Variants in MAGEA9 observed in about 807,000 individuals in gnomAD.
The protein encoded by MAGEA9 is MAGE family member A9.
At chrX:149,784,816 TTCAGCTGGTGGGG>T (rs2090526574) in intron 1 of MAGEA9, among the ~76,000 whole-genome samples, 1 of 70,740 alleles carries the variant, frequency 1.4e-5, no homozygotes, top group Non-Finnish European at 2.7e-5. Flanking sequence ...ACCTGAAGGG[TTCAGCTGGTGGGG>T]TCAGCCCCGG....
Sources: allele counts gnomAD v4.1 joint callset (sites outside exome capture counted in the v4.1 genomes callset), GRCh38; gene constraint gnomAD v4.1.1; transcripts MANE v1.5; gene names NCBI Gene and HGNC (gene_info 2026-07-23, HGNC 2026-07-21).